DNAH9: variants seen among roughly 807,000 people sequenced by gnomAD.
DNAH9 encodes the protein dynein axonemal heavy chain 9, also known as DNAH9 variant protein.
In DNAH9, 345 loss-of-function variants were observed where a neutral mutation model predicts 471.6. That is an observed-to-expected ratio of 0.73 (90% CI 0.67 to 0.80). The LOEUF (loss-of-function observed/expected upper bound fraction) is 0.80. Among genes scored for constraint, DNAH9 ranks in the 30% least tolerant of loss-of-function variants. The pLI, the probability that DNAH9 is intolerant of heterozygous loss-of-function variation, is 0.00. For missense variants in DNAH9, 5,407 were observed against 5,609.2 expected, an observed-to-expected ratio of 0.96 and a Z score of 1.15; for synonymous variants, 2,093 against 2,123.6, an observed-to-expected ratio of 0.99 and a Z score of 0.40.
intron 17 of DNAH9, among the ~76,000 whole-genome samples, chr17:11,672,578 C>T (rs1356760579): frequency 6.6e-6 from 1 of 152,204 alleles, no homozygotes; most frequent in Non-Finnish European, 1.5e-5. Flanking sequence ...GCCTTGCTGC[C>T]ATTAGTCCCT....
chr17:11,606,453 C>T (rs1987841), intron 1 of DNAH9, among the ~76,000 whole-genome samples: 95,139 of 98,750 alleles, frequency 0.96, 45,800 homozygotes, highest in East Asian at 1. Flanking sequence ...CTTTTCTTTT[C>T]TTTTTTTTTT....
intron 4 of DNAH9, among the ~76,000 whole-genome samples, chr17:11,613,304 C>G (rs2072674891): frequency 6.6e-6 from 1 of 152,024 alleles, no homozygotes; most frequent in Non-Finnish European, 1.5e-5. Context: ...TCAGAAATGA[C>G]TAGGGGAAAG....
chr17:11,881,663 C>T (rs1388799077), intron 55 of DNAH9, among the ~76,000 whole-genome samples: 3 of 152,142 alleles, frequency 2.0e-5, no homozygotes, highest in East Asian at 1.9e-4. Context: ...AATCTGAGCA[C>T]TTTGGGAGGC....
intron 67 of DNAH9, among the ~76,000 whole-genome samples, chr17:11,961,345 A>C (rs1217989937): frequency 6.6e-6 from 1 of 152,214 alleles, no homozygotes; most frequent in African/African-American, 2.4e-5. Flanking sequence ...GATGGTGTTC[A>C]GTGTAAACCT....
Position 11,664,692 on chromosome 17 carries a change from G to T in DNAH9, c.2596-141G>T, listed in dbSNP as rs1450522267. On this transcript the variant is annotated intron_variant, in intron 14 of 68. Transcript: ENST00000262442. ...TCAATGGTAATACTCATTAGGCAGA[G>T]TGGATTCGATACATGTGTAATAGCA... 9 of 685,716 alleles carry T rather than the reference G, an allele frequency of 1.3e-5. No individual in the cohort carries two copies. In the African/African-American group the frequency reaches 1.5e-4, roughly 11 times the overall value. 42.5% of individuals were successfully genotyped at this position (685,716 alleles called of 1,614,324 possible).
intron 35 of DNAH9, among the ~76,000 whole-genome samples, chr17:11,758,730 C>T (rs1967515316): frequency 1.3e-5 from 2 of 152,154 alleles, no homozygotes; most frequent in African/African-American, 4.8e-5. Context: ...CCTGAAAAAT[C>T]CACTCACGTT....
intron 48 of DNAH9, 92 bp downstream of exon 48, chr17:11,823,126 C>G (rs1322966698): frequency 1.8e-6 from 2 of 1,086,174 alleles, no homozygotes; most frequent in East Asian, 5.2e-5. Flanking sequence ...CAATCAAGAT[C>G]TGAAAAATAT....
At chr17:11,931,869 C>A in intron 63 of DNAH9, 145 bp from the exon 64 acceptor site, 1 of 858,874 alleles carries the variant, frequency 1.2e-6, no homozygotes, top group Non-Finnish European at 1.9e-6. Context: ...ACGTTCCCCC[C>A]AGGCTGTAGT....
At chr17:11,659,553 G>A (rs2073717595) in intron 14 of DNAH9, among the ~76,000 whole-genome samples, 3 of 152,272 alleles carry the variant, frequency 2.0e-5, no homozygotes, top group Admixed American at 1.3e-4. Context: ...CAGACTCACT[G>A]GCCCCTTGCT....
chr17:11,692,649 T>A (rs533896262), intron 20 of DNAH9, among the ~76,000 whole-genome samples: 32 of 152,262 alleles, frequency 2.1e-4, no homozygotes, highest in Admixed American at 1.5e-3. Context: ...GTCAAAATTA[T>A]CTTAATAATC....
chr17:11,908,500 C>T (rs1185261486), intron 61 of DNAH9, among the ~76,000 whole-genome samples: 1 of 152,170 alleles, frequency 6.6e-6, no homozygotes, highest in Non-Finnish European at 1.5e-5. Context: ...ATCATAAAAG[C>T]CACAAGCTTT....
intron 27 of DNAH9, chr17:11,722,981 C>T (rs1174003601): frequency 6.6e-6 from 1 of 152,206 alleles, no homozygotes; most frequent in Non-Finnish European, 1.5e-5. Context: ...ACCCTACTCC[C>T]TTCACTTCGG....
intron 53 of DNAH9, among the ~76,000 whole-genome samples, chr17:11,877,473 TAAAAAAA>T (rs550300868): frequency 0.47 from 31,958 of 68,252 alleles, 6,918 homozygotes; most frequent in Middle Eastern, 0.59. Context: ...AAACTCTGTC[TAAAAAAA>T]AAAAAAAAAA....
intron 22 of DNAH9, among the ~76,000 whole-genome samples, chr17:11,696,485 C>G (rs1005560578): frequency 6.6e-6 from 1 of 152,108 alleles, no homozygotes; most frequent in African/African-American, 2.4e-5. Flanking sequence ...ATTCCCGGCT[C>G]AAAGGGTGGA....
intron 15 of DNAH9, among the ~76,000 whole-genome samples, chr17:11,667,487 C>G (rs2073892469): frequency 6.6e-6 from 1 of 152,144 alleles, no homozygotes. Flanking sequence ...GTTCTGAAGG[C>G]AAGGCCCTAT....
At chr17:11,803,330 C>G (rs571395212) in intron 43 of DNAH9, among the ~76,000 whole-genome samples, 15 of 152,258 alleles carry the variant, frequency 9.9e-5, no homozygotes, top group African/African-American at 3.6e-4. Flanking sequence ...AACGACAAAC[C>G]CTCAGATGTA....
intron 59 of DNAH9, among the ~76,000 whole-genome samples, chr17:11,897,838 C>G (rs1322814202): frequency 6.6e-6 from 1 of 152,226 alleles, no homozygotes; most frequent in East Asian, 1.9e-4. Flanking sequence ...TTTCCTAGAG[C>G]TGTTCTAAGA....
intron 7 of DNAH9, among the ~76,000 whole-genome samples, 177 bp downstream of exon 7, chr17:11,629,761 A>G (rs925782966): frequency 6.6e-6 from 1 of 152,178 alleles, no homozygotes; most frequent in Non-Finnish European, 1.5e-5. Context: ...TGCCAAGAGA[A>G]AGATTCTAAT....
At chr17:11,915,147 C>T (rs1256322775) in intron 61 of DNAH9, among the ~76,000 whole-genome samples, 1 of 152,192 alleles carries the variant, frequency 6.6e-6, no homozygotes, top group Non-Finnish European at 1.5e-5. Context: ...ACTCTTCTTC[C>T]TCTGCAAACC....
Sources: gnomAD v4.1 joint callset for allele counts (sites outside exome capture counted in the v4.1 genomes callset) on GRCh38, gnomAD v4.1.1 for gene constraint, MANE v1.5 for transcripts, NCBI Gene and HGNC (gene_info 2026-07-23, HGNC 2026-07-21) for gene names.